Variants in CSMD3 observed in about 807,000 individuals in gnomAD.
The protein encoded by CSMD3 is CUB and Sushi multiple domains 3.
In CSMD3, 177 loss-of-function variants were observed where a neutral mutation model predicts 435.2. The observed-to-expected ratio is 0.41, with a 90% CI of 0.36 to 0.46. The LOEUF (loss-of-function observed/expected upper bound fraction) is 0.46. Among genes scored for constraint, CSMD3 ranks in the 20% least tolerant of loss-of-function variants. The pLI is 0.34. For missense variants in CSMD3, 4,265 were observed against 4,504.6 expected (o/e 0.95, Z 1.52); for synonymous variants, 1,656 against 1,520.5 (o/e 1.09, Z -2.07).
At chr8:112,451,445 G>GT (rs1039422863) in intron 32 of CSMD3, among the ~76,000 whole-genome samples, 5 of 151,700 alleles carry the variant, frequency 3.3e-5, no homozygotes, top group East Asian at 3.9e-4. Context: ...AAAAGTAAAA[G>GT]TTTTTTTTAC....
intron 7 of CSMD3, among the ~76,000 whole-genome samples, chr8:112,968,296 T>C (rs2084501245): frequency 6.6e-6 from 1 of 151,870 alleles, no homozygotes; most frequent in Non-Finnish European, 1.5e-5. Context: ...ATATATAATA[T>C]TTCTCTATAG....
chr8:113,348,639 T>C (rs2094168677), intron 1 of CSMD3, among the ~76,000 whole-genome samples: 1 of 152,114 alleles, frequency 6.6e-6, no homozygotes, highest in South Asian at 2.1e-4. Context: ...ATCGAGATTG[T>C]GTTCATATTC....
At position 113,285,410 on chromosome 8, in the gene CSMD3, G is replaced by A. The variant is rs939400370; in HGVS notation, c.402-6706C>T. On this transcript the variant is annotated intron_variant, in intron 2 of 70. Transcript: ENST00000297405. ...TGAGTAGCTGGGACTACAGGCGCCCGCCACCACGCCCAGCTAAGTTTTTGT... is the reference window on the plus strand; with the variant it reads ...TGAGTAGCTGGGACTACAGGCGCCCACCACCACGCCCAGCTAAGTTTTTGT... Among the ~76,000 whole-genome samples, 3 of 151,896 alleles carry A rather than the reference G, an allele frequency of 2.0e-5. 1 individual carries two copies. The highest frequency in any genetic ancestry group is 4.1e-4 in the South Asian group (2 of 4,820).
Position 112,570,749 on chromosome 8 carries a change from G to T in CSMD3, c.4042+2752C>A, listed in dbSNP as rs191021322. 3.2e-4 allele frequency among the ~76,000 whole-genome samples: 48 copies of T among 152,234 alleles called. No homozygotes were observed. The East Asian group carries it at 8.9e-3, about 28-fold the overall frequency. On this transcript the variant is annotated intron_variant, in intron 24 of 70. Transcript: ENST00000297405. ...ACTATTTCTAAAGCCCTTTCCGAGA[G>T]AATACAGCTCAGAACCCAGCTGTTG...
intron 59 of CSMD3, among the ~76,000 whole-genome samples, chr8:112,280,813 T>G (rs1262999459): frequency 6.6e-6 from 1 of 152,118 alleles, no homozygotes; most frequent in African/African-American, 2.4e-5. Flanking sequence ...AAAAATCAAT[T>G]TTGTTATTAA....
intron 45 of CSMD3, among the ~76,000 whole-genome samples, chr8:112,329,451 A>C (rs146036128): frequency 3.7e-4 from 57 of 152,236 alleles, no homozygotes; most frequent in African/African-American, 1.3e-3. Flanking sequence ...AAATACTAAG[A>C]TATCCAATCA....
In CSMD3 at chr8:112,471,354, A is replaced by C. The variant is rs567205700; in HGVS notation, c.5395+1237T>G. Among the ~76,000 whole-genome samples the C allele has an allele frequency of 7.2e-5, 11 of 152,330 alleles. No individual in the cohort carries two copies. The South Asian group carries it at 2.3e-3, about 32-fold the overall frequency. On this transcript the variant is annotated intron_variant, in intron 32 of 70. Coordinates refer to ENST00000297405, the MANE Select transcript of CSMD3 (RefSeq NM_198123.2). ...CTCTCTAGCAAAGGAAGGACTCAAA[A>C]GGCAAAAAATAAACACAGTTAAGTG...
chr8:112,430,477 T>C (rs1000442245), intron 32 of CSMD3, among the ~76,000 whole-genome samples: 1 of 152,036 alleles, frequency 6.6e-6, no homozygotes, highest in African/African-American at 2.4e-5. Flanking sequence ...AGCTGATAAT[T>C]TGTTGCCTTT....
At chr8:112,642,956 T>C (rs937118331) in intron 20 of CSMD3, among the ~76,000 whole-genome samples, 1 of 152,276 alleles carries the variant, frequency 6.6e-6, no homozygotes, top group South Asian at 2.1e-4. Flanking sequence ...TTTAAAGAGA[T>C]AAGCTGGAAT....
intron 1 of CSMD3, among the ~76,000 whole-genome samples, chr8:113,413,398 T>G (rs2094568079): frequency 6.6e-6 from 1 of 152,138 alleles, no homozygotes; most frequent in Admixed American, 6.6e-5. Flanking sequence ...ATTATTGTAT[T>G]CTAACTATTG....
chr8:113,062,090 T>G (rs185760294), intron 5 of CSMD3, among the ~76,000 whole-genome samples: 1 of 152,014 alleles, frequency 6.6e-6, no homozygotes, highest in African/African-American at 2.4e-5. Context: ...AATTATTTTA[T>G]ATTAATGGCT....
intron 3 of CSMD3, among the ~76,000 whole-genome samples, chr8:113,209,098 G>C (rs550882932): frequency 1.3e-5 from 2 of 152,212 alleles, no homozygotes; most frequent in South Asian, 4.1e-4. Flanking sequence ...CATTATAATG[G>C]TTGATGTTAT....
chr8:113,116,118 G>T (rs1199465913), intron 4 of CSMD3, among the ~76,000 whole-genome samples: 1 of 152,006 alleles, frequency 6.6e-6, no homozygotes, highest in Non-Finnish European at 1.5e-5. Context: ...CTTATATCAG[G>T]ATTAATACAC....
chr8:112,570,196 T>G (rs555477865), intron 24 of CSMD3, among the ~76,000 whole-genome samples: 1 of 152,208 alleles, frequency 6.6e-6, no homozygotes, highest in East Asian at 1.9e-4. Context: ...GTAGAACTGT[T>G]TTACTATCAT....
chr8:112,774,341 C>T (rs542282589), intron 13 of CSMD3, among the ~76,000 whole-genome samples: 27 of 152,086 alleles, frequency 1.8e-4, no homozygotes, highest in African/African-American at 5.3e-4. Context: ...ACACAACATA[C>T]GGACATCCAC....
intron 17 of CSMD3, 130 bp downstream of exon 17, chr8:112,666,147 G>A (rs1042384680): frequency 3.9e-6 from 3 of 766,808 alleles, no homozygotes; most frequent in Admixed American, 2.1e-5. Context: ...GCAAACAGAT[G>A]GAAGCATTCA....
chr8:113,435,214 G>T (rs1166777490), intron 1 of CSMD3, among the ~76,000 whole-genome samples: 1 of 152,236 alleles, frequency 6.6e-6, no homozygotes, highest in Non-Finnish European at 1.5e-5. Context: ...TCGGCTCAGA[G>T]CTGCTCTGAG....
At chr8:113,381,520 T>A (rs1462366793) in intron 1 of CSMD3, among the ~76,000 whole-genome samples, 1 of 151,114 alleles carries the variant, frequency 6.6e-6, no homozygotes, top group Non-Finnish European at 1.5e-5. Flanking sequence ...TTAGAATAAA[T>A]CTACCTCTTT....
At chr8:112,842,266 G>C (rs1426142695) in intron 11 of CSMD3, among the ~76,000 whole-genome samples, 1 of 151,800 alleles carries the variant, frequency 6.6e-6, no homozygotes, top group Non-Finnish European at 1.5e-5. Context: ...AAAGCTCACA[G>C]CTCTTGCCAG....
Sources: allele counts gnomAD v4.1 joint callset (sites outside exome capture counted in the v4.1 genomes callset), GRCh38; gene constraint gnomAD v4.1.1; transcripts MANE v1.5; gene names NCBI Gene and HGNC (gene_info 2026-07-23, HGNC 2026-07-21).